The following ROBO2 variants were observed in gnomAD, a reference collection of about 807,000 sequenced individuals.
The protein encoded by ROBO2 is roundabout homolog 2.
In ROBO2, 53 loss-of-function variants were observed where a neutral mutation model predicts 160.8. The ratio of observed to expected loss-of-function variants is 0.33; its 90% CI spans 0.26 to 0.41. ROBO2 has a LOEUF of 0.41. ROBO2 is among the 10% of genes least tolerant of loss of function. The pLI is 1.00. For synonymous variants in ROBO2, 664 were observed against 611.7 expected (o/e 1.09, Z -1.26); for missense variants, 1,577 against 1,722.4 (o/e 0.92, Z 1.49).
intron 1 of ROBO2, 31 bp downstream of exon 1, chr3:77,040,877 C>T (rs1477514926): frequency 6.2e-7 from 1 of 1,612,106 alleles, no homozygotes; most frequent in South Asian, 1.1e-5. Context: ...TCTTTTTTTG[C>T]GCCCCCCACC....
At chr3:76,000,479 T>C (rs1297447875) in intron 2 of ROBO2, among the ~76,000 whole-genome samples, 1 of 143,202 alleles carries the variant, frequency 7.0e-6, no homozygotes, top group Non-Finnish European at 1.5e-5. Context: ...TCCACCATGA[T>C]TGTGCGCTTA....
chr3:76,675,903 A>G lies in ROBO2; in HGVS notation c.110-422111A>G, dbSNP rs188902219. 2.8e-4 allele frequency among the ~76,000 whole-genome samples: 42 copies of G among 152,290 alleles called. No individual in the cohort carries two copies. In the East Asian group the frequency reaches 2.9e-3, roughly 10 times the overall value. On this transcript the variant is annotated intron_variant, in intron 2 of 26. Transcript: ENST00000487694. ...GGCTGGTTGAAAGAGTTATAAGACC[A>G]TGGACATATAGCTTTAAAGTATACT...
At chr3:76,320,408 T>C (rs1056225048) in intron 2 of ROBO2, among the ~76,000 whole-genome samples, 1 of 152,164 alleles carries the variant, frequency 6.6e-6, no homozygotes, top group African/African-American at 2.4e-5. Context: ...CAGAAATTCA[T>C]TCCTTCTGTC....
intron 2 of ROBO2, among the ~76,000 whole-genome samples, chr3:76,326,393 TAAATG>T (rs763094271): frequency 5.3e-5 from 8 of 152,146 alleles, no homozygotes; most frequent in Non-Finnish European, 7.4e-5. Flanking sequence ...GATAGGCAGA[TAAATG>T]GATGAGTGTG....
chr3:76,565,782 T>G (rs899987650), intron 2 of ROBO2, among the ~76,000 whole-genome samples: 4 of 152,216 alleles, frequency 2.6e-5, no homozygotes, highest in Non-Finnish European at 5.9e-5. Flanking sequence ...ACATAAATAA[T>G]GAAGGATGTT....
At chr3:76,701,927 C>T (rs918962934) in intron 2 of ROBO2, among the ~76,000 whole-genome samples, 2 of 151,388 alleles carry the variant, frequency 1.3e-5, no homozygotes, top group Admixed American at 6.6e-5. Context: ...AAATGCCGCT[C>T]TTCATTTATT....
chr3:77,040,946 A>T, intron 1 of ROBO2, 100 bp downstream of exon 1: 1 of 1,495,492 alleles, frequency 6.7e-7, no homozygotes, highest in Non-Finnish European at 9.3e-7. Flanking sequence ...ATGAAATGAC[A>T]TTATGTCTGT....
intron 6 of ROBO2, among the ~76,000 whole-genome samples, chr3:77,536,788 G>C (rs548669715): frequency 1.3e-5 from 2 of 152,088 alleles, no homozygotes; most frequent in East Asian, 3.9e-4. Context: ...ACTGTGGTAC[G>C]TTCCAGTAAT....
At chr3:76,786,136 T>C (rs558427608) in intron 2 of ROBO2, among the ~76,000 whole-genome samples, 2 of 151,364 alleles carry the variant, frequency 1.3e-5, no homozygotes, top group African/African-American at 4.8e-5. Flanking sequence ...ATTTTCAAGG[T>C]TTTAATCACC....
chr3:77,191,450 G>C (rs577830259), intron 2 of ROBO2, among the ~76,000 whole-genome samples: 6 of 152,256 alleles, frequency 3.9e-5, no homozygotes, highest in African/African-American at 1.2e-4. Context: ...GCCTAAGACA[G>C]ATAGGAACTG....
chr3:76,149,031 C>G (rs1011473927), intron 2 of ROBO2, among the ~76,000 whole-genome samples: 2 of 152,040 alleles, frequency 1.3e-5, no homozygotes, highest in African/African-American at 4.8e-5. Context: ...TTCCCTGTCC[C>G]CTTAAGCCTC....
chr3:76,671,745 A>T (rs568168729), intron 2 of ROBO2, among the ~76,000 whole-genome samples: 1 of 152,082 alleles, frequency 6.6e-6, no homozygotes, highest in Non-Finnish European at 1.5e-5. Flanking sequence ...AATAATCTAT[A>T]ATCAGTACAT....
chr3:76,113,513 A>G (rs1033100437), intron 2 of ROBO2, among the ~76,000 whole-genome samples: 27 of 152,128 alleles, frequency 1.8e-4, no homozygotes, highest in African/African-American at 6.3e-4. Flanking sequence ...CATTACATAT[A>G]TCTCATCTGC....
At chr3:76,579,733 G>A (rs578094741) in intron 2 of ROBO2, among the ~76,000 whole-genome samples, 29 of 147,004 alleles carry the variant, frequency 2.0e-4, no homozygotes, top group Non-Finnish European at 3.6e-4. Context: ...TGACAAAATA[G>A]GACATGAGTT....
intron 2 of ROBO2, among the ~76,000 whole-genome samples, chr3:76,595,471 TCTTA>T (rs1484833063): frequency 1.3e-5 from 2 of 152,188 alleles, no homozygotes; most frequent in African/African-American, 2.4e-5. Context: ...AGATTTACAT[TCTTA>T]CTTGTGTGAC....
chr3:77,142,324 G>C (rs2076769329), intron 2 of ROBO2, among the ~76,000 whole-genome samples: 1 of 152,112 alleles, frequency 6.6e-6, no homozygotes, highest in Non-Finnish European at 1.5e-5. Context: ...TGAATATATA[G>C]CAGAAATACA....
intron 2 of ROBO2, among the ~76,000 whole-genome samples, chr3:77,210,180 G>C (rs1442487172): frequency 6.8e-6 from 1 of 147,550 alleles, no homozygotes; most frequent in Non-Finnish European, 1.5e-5. Context: ...TCTTCATTGT[G>C]GAAAATTGAG....
chr3:76,435,852 G>A (rs1290419470), intron 2 of ROBO2, among the ~76,000 whole-genome samples: 1 of 152,198 alleles, frequency 6.6e-6, no homozygotes, highest in Non-Finnish European at 1.5e-5. Flanking sequence ...AGAAGCTGGT[G>A]TGTTTCCAGA....
At chr3:77,577,587 C>T in exon 15 of ROBO2, 1 of 1,613,240 alleles carries the variant, frequency 6.2e-7, no homozygotes. Flanking sequence ...CTCCAGATCA[C>T]CAGAATGGAA....
Sources: allele counts gnomAD v4.1 joint callset (sites outside exome capture counted in the v4.1 genomes callset), GRCh38; gene constraint gnomAD v4.1.1; transcripts MANE v1.5; gene names NCBI Gene and HGNC (gene_info 2026-07-23, HGNC 2026-07-21).